EHBP1L1: variants seen among roughly 807,000 people sequenced by gnomAD.
The protein encoded by EHBP1L1 is EH domain-binding protein 1-like protein 1.
A neutral mutation model predicts 151.1 loss-of-function variants in EHBP1L1; 122 were observed. The observed-to-expected ratio is 0.81, with a 90% CI of 0.70 to 0.94. EHBP1L1 has a LOEUF of 0.94. Among genes scored for constraint, EHBP1L1 ranks in the 40% least tolerant of loss-of-function variants. The pLI is 0.00. For synonymous variants in EHBP1L1, 878 were observed against 810.1 expected (o/e 1.08, Z -1.42); for missense variants, 1,941 against 1,959.8 (o/e 0.99, Z 0.18).
rs768633699 is a variant in EHBP1L1 at position 65,585,032 on chromosome 11, C to A, written c.3374C>A (p.Pro1125His). ...EPADMVLLSV[P>H]DKLIVMTYLC... Reference sequence around the variant, plus strand: ...GCGGACATGGTGCTACTGTCGGTGCCCGACAAGCTCATCGTCATGACGTAC... The same window carrying A: ...GCGGACATGGTGCTACTGTCGGTGCACGACAAGCTCATCGTCATGACGTAC... Residue 1125 changes from proline to histidine, a missense_variant, in exon 12 of 19, where the codon CCC becomes CAC. Pro to His is a moderately conservative substitution (Grantham distance 77). Transcript: ENST00000309295. The surrounding 1 kb of genome is among the most constrained non-coding windows in gnomAD (Gnocchi z 4.0). 2 of 1,537,232 alleles carry A rather than the reference C, an allele frequency of 1.3e-6. No homozygotes were observed. Among genetic ancestry groups the A allele is most frequent in the Non-Finnish European group, 1.7e-6 (2 of 1,148,048 alleles).
At chr11:65,587,063 A>G (rs1214749030) in intron 12 of EHBP1L1, among the ~76,000 whole-genome samples, 1 of 152,184 alleles carries the variant, frequency 6.6e-6, no homozygotes, top group Non-Finnish European at 1.5e-5. Flanking sequence ...AGGAGGGGCC[A>G]GGCATGAGGG....
rs1231703026 is a variant in EHBP1L1 at position 65,590,102 on chromosome 11, A to G, written c.4075A>G (p.Thr1359Ala). The G allele has an allele frequency of 1.2e-6, 2 of 1,613,908 alleles. No homozygotes were observed. The change falls in exon 15 of 19, where the codon ACA (threonine) becomes GCA (alanine). Residue 1359 changes from threonine to alanine, a missense_variant. By Grantham distance (58) the Thr-to-Ala change is moderately conservative (BLOSUM62 0). Coordinates refer to ENST00000309295, the MANE Select transcript of EHBP1L1 (RefSeq NM_001099409.3). ...EEAGLQRFQDTSQYVCAELQA... is the reference protein window; with the variant it reads ...EEAGLQRFQDASQYVCAELQA... Reference sequence around the variant, plus strand: ...CCACCCCCAGCAACGGTTCCAGGACACAAGTCAGTACGTGTGTGCAGAGCT... The same window carrying G: ...CCACCCCCAGCAACGGTTCCAGGACGCAAGTCAGTACGTGTGTGCAGAGCT...
At chr11:65,589,234 G>A (rs1003245281) in intron 12 of EHBP1L1, among the ~76,000 whole-genome samples, 6 of 152,148 alleles carry the variant, frequency 3.9e-5, no homozygotes, top group African/African-American at 9.7e-5. Flanking sequence ...GTGAAACCCC[G>A]TCTCTACTAA....
chr11:65,592,639 G>C lies in EHBP1L1; in HGVS notation c.*337G>C, dbSNP rs1858401964. The C allele has an allele frequency of 3.6e-6, 1 of 278,308 alleles. No homozygotes were observed. The highest frequency in any genetic ancestry group is 6.9e-6 in the Non-Finnish European group (1 of 145,514). The allele number at this position is 278,308 out of a possible 1,614,324, so 17.2% of individuals were successfully genotyped here. On this transcript the variant is annotated 3_prime_UTR_variant, in exon 19 of 19. Transcript: ENST00000309295. ...GTTCTCCAGAGCAATAAAGTTGGAC[G>C]AGACTACCCCAGCGCCGGCCTTTTC...
chr11:65,583,753 G>T lies in EHBP1L1; in HGVS notation c.3081G>T (p.Leu1027=). 6.7e-7 allele frequency: 1 copy of T among 1,492,714 alleles called. No individual in the cohort carries two copies. Among genetic ancestry groups the T allele is most frequent in the Non-Finnish European group, 8.9e-7 (1 of 1,124,042 alleles). 92.5% of individuals were successfully genotyped at this position (1,492,714 alleles called of 1,614,324 possible). The part of the protein sequence containing the change: ...SPEKAEEDRR[L]PGSQAPPALV... ...AGAAGGCTGAAGAGGACAGGAGGCTGCCGGGCAGCCAGGTAGGGATGGGGG... is the reference window on the plus strand; with the variant it reads ...AGAAGGCTGAAGAGGACAGGAGGCTTCCGGGCAGCCAGGTAGGGATGGGGG... Residue 1027 remains leucine, a synonymous_variant, in exon 9 of 19, where the codon CTG becomes CTT. Transcript: ENST00000309295.
Position 65,589,977 on chromosome 11 carries a change from G to T in EHBP1L1, c.4045G>T (p.Glu1349Ter), listed in dbSNP as rs1403556938. 1 of 1,594,490 alleles carries T rather than the reference G, an allele frequency of 6.3e-7. No homozygotes were observed. The highest frequency in any genetic ancestry group is 8.6e-7 in the Non-Finnish European group (1 of 1,166,900). ...PSEEPPPSPG[E>*]EAGLQRFQDT... The stretch of plus-strand genomic sequence containing the variant: ...GGAGGAACCACCCCCAAGCCCAGGG[G>T]AGGAGGCTGGGCTGGTAAGGAGGGC... Residue 1349 changes from glutamate to a stop codon, truncating the protein, a stop_gained, in exon 14 of 19, where the codon GAG (glutamate) becomes TAG (stop). Coordinates refer to ENST00000309295, the MANE Select transcript of EHBP1L1 (RefSeq NM_001099409.3). LOFTEE classifies it high-confidence loss of function.
intron 12 of EHBP1L1, among the ~76,000 whole-genome samples, chr11:65,588,300 G>T (rs985916506): frequency 6.6e-6 from 1 of 152,156 alleles, no homozygotes; most frequent in Non-Finnish European, 1.5e-5. Flanking sequence ...ACTGAAAGTC[G>T]GCCACTGTGG....
intron 1 of EHBP1L1, among the ~76,000 whole-genome samples, chr11:65,577,048 G>A (rs1325987684): frequency 6.6e-6 from 1 of 152,240 alleles, no homozygotes; most frequent in African/African-American, 2.4e-5. Context: ...CGGAGGGCAA[G>A]GTGGCAGGGT....
At position 65,589,739 on chromosome 11, in the gene EHBP1L1, C is replaced by A. The variant is rs530897103; in HGVS notation, c.3934-12C>A. 32 of 1,531,074 alleles carry A rather than the reference C, an allele frequency of 2.1e-5. No homozygotes were observed. In the East Asian group the frequency reaches 7.6e-4, roughly 36 times the overall value. 94.8% of individuals were successfully genotyped at this position (1,531,074 alleles called of 1,614,324 possible). On this transcript the variant is annotated splice_polypyrimidine_tract_variant and intron_variant, in intron 12 of 18. Coordinates refer to ENST00000309295, the MANE Select transcript of EHBP1L1 (RefSeq NM_001099409.3). ...AACCCCTCCCAGCCCTCACTGGCCC[C>A]TTCTTCCACAGGAAGGCCAGGCCCC...
rs1236218197 is a variant in EHBP1L1 at position 65,589,924 on chromosome 11, C to T, written c.4004-12C>T. On this transcript the variant is annotated splice_polypyrimidine_tract_variant and intron_variant, in intron 13 of 18. Transcript: ENST00000309295. ...TGGTTAGGGGGTGCCTTATCATCAT[C>T]TCTGTCTGCAGGTGGGAGTTCCCCC... 1.3e-6 allele frequency: 2 copies of T among 1,552,736 alleles called. No homozygotes were observed.
chr11:65,583,385 C>T lies in EHBP1L1; in HGVS notation c.2713C>T (p.Pro905Ser). Residue 905 changes from proline to serine, a missense_variant, in exon 9 of 19, where the codon CCA (proline) becomes TCA (serine). Transcript: ENST00000309295. ...TCTCAAATATGAGGCTTTAAGGGCC[C>T]CAGTCACTCAGCCAAGAGTTTTAGG... ...SALKYEALRA[P>S]VTQPRVLGSQ... 6.2e-7 allele frequency: 1 copy of T among 1,613,364 alleles called. No individual in the cohort carries two copies. Among genetic ancestry groups the T allele is most frequent in the Non-Finnish European group, 8.5e-7 (1 of 1,179,682 alleles).
chr11:65,583,544 G>C lies in EHBP1L1; in HGVS notation c.2872G>C (p.Glu958Gln), dbSNP rs768134843. Reference sequence around the variant, plus strand: ...TGGGGCTTGGGGGGCCCAGGAAGCAGAGATGAAGGTTTTAGAGTCTCCAGA... The same window carrying C: ...TGGGGCTTGGGGGGCCCAGGAAGCACAGATGAAGGTTTTAGAGTCTCCAGA... ...KSGAWGAQEA[E>Q]MKVLESPENK... Residue 958 changes from glutamate (E) to glutamine (Q), a missense_variant, in exon 9 of 19, where the codon GAG becomes CAG. By Grantham distance (29) the Glu-to-Gln change is conservative (BLOSUM62 2). Coordinates refer to ENST00000309295, the MANE Select transcript of EHBP1L1 (RefSeq NM_001099409.3). 1.9e-6 allele frequency: 3 copies of C among 1,613,134 alleles called. No individual in the cohort carries two copies. The highest frequency in any genetic ancestry group is 1.7e-4 in the Middle Eastern group (1 of 6,056).
At chr11:65,592,162 C>T in intron 18 of EHBP1L1, 41 bp from the exon 19 acceptor site, 1 of 1,604,362 alleles carries the variant, frequency 6.2e-7, no homozygotes, top group Non-Finnish European at 8.5e-7. Flanking sequence ...TGCGTGTGGA[C>T]CCCGCCCAAC....
chr11:65,586,509 T>C (rs574276314), intron 12 of EHBP1L1, among the ~76,000 whole-genome samples: 15 of 152,380 alleles, frequency 9.8e-5, no homozygotes, highest in African/African-American at 3.6e-4. Context: ...GTTGATAAGA[T>C]GGCCAGGTTT....
Position 65,582,445 on chromosome 11 carries a change from G to C in EHBP1L1, c.1773G>C (p.Gly591=). The C allele has an allele frequency of 6.2e-7, 1 of 1,612,456 alleles. No homozygotes were observed. The highest frequency in any genetic ancestry group is 1.1e-5 in the South Asian group (1 of 91,064). The change falls in exon 9 of 19, where the codon GGG becomes GGC. Residue 591 remains glycine (G), a synonymous_variant. Coordinates refer to ENST00000309295, the MANE Select transcript of EHBP1L1 (RefSeq NM_001099409.3). ...GAACCCAGGAGAAAGAAGTTGAGGG[G>C]TCAGGGTTCCCAGAGACTAGGACAC... ...VLGTQEKEVE[G]SGFPETRTLE...
In EHBP1L1 at chr11:65,592,264, C is replaced by A; in HGVS notation, c.4534C>A (p.Arg1512=). ...GGAACAGCGGCGCCGCAAGCTGAGC[C>A]GGCAGTTGAGCCGGCGGGAGCGCTG... ...GLEQRRRKLS[R]QLSRRERCVL... Residue 1512 remains arginine, a synonymous_variant, in exon 19 of 19, where the codon CGG becomes AGG. Coordinates refer to ENST00000309295, the MANE Select transcript of EHBP1L1 (RefSeq NM_001099409.3). 3.9e-6 allele frequency: 6 copies of A among 1,532,160 alleles called. No homozygotes were observed. Among genetic ancestry groups the A allele is most frequent in the South Asian group, 1.2e-5 (1 of 84,070 alleles). The allele number at this position is 1,532,160 out of a possible 1,614,324, so 94.9% of individuals were successfully genotyped here. A position where few individuals can be genotyped will look rare whatever the true frequency, so the allele number is the denominator to read the frequency against.
rs763035069 is a variant in EHBP1L1 at position 65,579,118 on chromosome 11, C to A, written c.145C>A (p.Arg49=). Residue 49 remains arginine, a synonymous_variant, in exon 2 of 19, where the codon CGA becomes AGA. Transcript: ENST00000309295. ...GGTGGTGGTATGGACCCGTCGGAACCGACGCATCTGCTCCAAGGTGGGGAA... is the reference window on the plus strand; with the variant it reads ...GGTGGTGGTATGGACCCGTCGGAACAGACGCATCTGCTCCAAGGTGGGGAA... The part of the protein sequence containing the change: ...KLVVVWTRRN[R]RICSKAHSWQ... 5 of 1,594,926 alleles carry A rather than the reference C, an allele frequency of 3.1e-6. No individual in the cohort carries two copies. The South Asian group carries it at 3.4e-5, about 11-fold the overall frequency.
At position 65,583,671 on chromosome 11, in the gene EHBP1L1, C is replaced by G. The variant is rs376806767; in HGVS notation, c.2999C>G (p.Pro1000Arg). 8.2e-6 allele frequency: 13 copies of G among 1,586,200 alleles called. No individual in the cohort carries two copies. In the African/African-American group the frequency reaches 1.5e-4, roughly 18 times the overall value. Reference sequence around the variant, plus strand: ...GGAAGCCTCACAGAGGCCAGCCTGCCTGAAGCACAGGTGGCCAGTGGGGCA... The same window carrying G: ...GGAAGCCTCACAGAGGCCAGCCTGCGTGAAGCACAGGTGGCCAGTGGGGCA... ...AEGSLTEASL[P>R]EAQVASGAGA... Residue 1000 changes from proline (P) to arginine (R), a missense_variant, in exon 9 of 19, where the codon CCT becomes CGT. Pro to Arg is a moderately radical substitution (Grantham distance 103). Coordinates refer to ENST00000309295, the MANE Select transcript of EHBP1L1 (RefSeq NM_001099409.3).
rs779649845 is a variant in EHBP1L1, at chr11:65,590,000, G to T, written c.4059+9G>T. ...GGGAGGAGGCTGGGCTGGTAAGGAG[G>T]GCTAAGTGGGAGGAGCTGATGGGTG... On this transcript the variant is annotated intron_variant, in intron 14 of 18. Transcript: ENST00000309295. 5 of 1,605,124 alleles carry T rather than the reference G, an allele frequency of 3.1e-6. No individual in the cohort carries two copies. Among genetic ancestry groups the T allele is most frequent in the Non-Finnish European group, 4.3e-6 (5 of 1,173,602 alleles).
Sources: allele counts gnomAD v4.1 joint callset (sites outside exome capture counted in the v4.1 genomes callset), GRCh38; gene constraint gnomAD v4.1.1; non-coding constraint Gnocchi (gnomAD v3.1); transcripts MANE v1.5; gene names NCBI Gene and HGNC (gene_info 2026-07-23, HGNC 2026-07-21).